The following COL4A4 variants were observed in gnomAD, a reference collection of about 807,000 sequenced individuals.
COL4A4 encodes collagen type IV alpha 4 chain, also known as collagen alpha-4(IV) chain.
COL4A4 carries 105 observed loss-of-function variants against 192.9 expected under a neutral mutation model. That is an observed-to-expected ratio of 0.54 (90% CI 0.46 to 0.64). The LOEUF (loss-of-function observed/expected upper bound fraction) is 0.64. Ranked by LOEUF, COL4A4 falls within the 30% of genes least tolerant of loss-of-function variation. The probability of loss-of-function intolerance (pLI) is 0.00; values close to 1 mark genes in which losing one functional copy is unlikely to be tolerated. For missense variants in COL4A4, 1,967 were observed against 2,169.3 expected (o/e 0.91, Z 1.85); for synonymous variants, 762 against 769.9 (o/e 0.99, Z 0.17).
At chr2:227,145,411 C>T (rs1288552488) in intron 2 of COL4A4, among the ~76,000 whole-genome samples, 1 of 152,204 alleles carries the variant, frequency 6.6e-6, no homozygotes, top group Middle Eastern at 3.2e-3. Context: ...CGTGCCACTG[C>T]GCTCCAGCCT....
At chr2:227,069,253 G>A (rs1004109414) in intron 25 of COL4A4, among the ~76,000 whole-genome samples, 1 of 151,382 alleles carries the variant, frequency 6.6e-6, no homozygotes, top group Non-Finnish European at 1.5e-5. Flanking sequence ...CCATGCTCAT[G>A]GGTAGGAAGA....
chr2:227,009,726 GAAGA>G (rs1559400151), intron 46 of COL4A4, among the ~76,000 whole-genome samples: 3 of 46,000 alleles, frequency 6.5e-5, no homozygotes, highest in African/African-American at 1.9e-4. Context: ...AAAGAGAAGA[GAAGA>G]GAAAAGAGAA....
chr2:227,162,054 C>A (rs1488549168), intron 1 of COL4A4, among the ~76,000 whole-genome samples: 1 of 152,084 alleles, frequency 6.6e-6, no homozygotes, highest in African/African-American at 2.4e-5. Flanking sequence ...GTGAGTATGT[C>A]TATTTTATAG....
At chr2:227,052,198 A>C in intron 32 of COL4A4, 107 bp downstream of exon 32, 1 of 741,268 alleles carries the variant, frequency 1.3e-6, no homozygotes, top group African/African-American at 1.7e-5. Context: ...TCTCAAAAAA[A>C]AAAAAGTCTT....
At chr2:226,988,554 G>C in the COL4A4 span, 1 of 1,414,624 alleles carries the variant, frequency 7.1e-7, no homozygotes, top group Non-Finnish European at 9.2e-7. Flanking sequence ...CCCTCTCTGC[G>C]GACTGGTGTG....
At chr2:226,976,196 G>A in the COL4A4 span, among the ~76,000 whole-genome samples, 1 of 150,128 alleles carries the variant, frequency 6.7e-6, no homozygotes, top group East Asian at 2.0e-4. Flanking sequence ...CAGGGCTTCT[G>A]GGGCAGTCCA....
Position 227,101,865 on chromosome 2 carries a change from CT to C in COL4A4, c.974del (p.Lys325ArgfsTer4). On this transcript the variant is annotated frameshift_variant and splice_region_variant, in exon 16 of 48. Coordinates refer to ENST00000396625, the MANE Select transcript of COL4A4 (RefSeq NM_000092.5). LOFTEE classifies it high-confidence loss of function. ...TATCTCTATAATGAGGTACATTTAC[CT>C]TTAATCCTGGAAAACCTGGAGATCC... is the stretch of plus-strand genomic sequence containing the variant. ...SYGSPGFPGLKGELGLVGDPG... is the reference protein window; with the variant it reads ...SYGSPGFPGLXGELGLVGDPG... 6.3e-7 allele frequency: 1 copy of C among 1,585,474 alleles called. No individual in the cohort carries two copies. Among genetic ancestry groups the C allele is most frequent in the South Asian group, 1.1e-5 (1 of 88,204 alleles).
At position 227,078,181 on chromosome 2, in the gene COL4A4, G is replaced by A; in HGVS notation, c.1804-104C>T. ...ACACACGCAAAAGTCCATAATTTCA[G>A]GAGACAGTTACTCTTAAGCAAATGT... On this transcript the variant is annotated intron_variant, in intron 24 of 47. Coordinates refer to ENST00000396625, the MANE Select transcript of COL4A4 (RefSeq NM_000092.5). 4.5e-6 allele frequency: 5 copies of A among 1,118,768 alleles called. No homozygotes were observed. The Middle Eastern group carries it at 9.7e-4, about 217-fold the overall frequency. The allele number at this position is 1,118,768 out of a possible 1,614,324, so 69.3% of individuals were successfully genotyped here. A position where few individuals can be genotyped will look rare whatever the true frequency, so the allele number is the denominator to read the frequency against.
At chr2:227,053,811 G>A (rs1974699857) in intron 31 of COL4A4, among the ~76,000 whole-genome samples, 1 of 152,004 alleles carries the variant, frequency 6.6e-6, no homozygotes, top group Non-Finnish European at 1.5e-5. Flanking sequence ...CTCCCAAAGT[G>A]CTGGGATTAC....
At chr2:227,076,837 A>G (rs527301441) in intron 25 of COL4A4, among the ~76,000 whole-genome samples, 2 of 152,378 alleles carry the variant, frequency 1.3e-5, no homozygotes, top group Non-Finnish European at 2.9e-5. Context: ...ATATGAACAG[A>G]TATCCTTCTT....
chr2:227,117,117 T>C (rs1017368175), intron 7 of COL4A4, among the ~76,000 whole-genome samples: 1 of 152,254 alleles, frequency 6.6e-6, no homozygotes, highest in African/African-American at 2.4e-5. Flanking sequence ...ATAAGGTTTC[T>C]TTGCGTGGTT....
intron 31 of COL4A4, among the ~76,000 whole-genome samples, chr2:227,053,543 C>CTTTTT (rs56724633): frequency 1.5e-4 from 15 of 102,226 alleles, no homozygotes; most frequent in Admixed American, 3.3e-4. Flanking sequence ...TTTTCTTTTT[C>CTTTTT]TTTTTTTTTT....
intron 25 of COL4A4, among the ~76,000 whole-genome samples, chr2:227,071,196 G>A (rs2058701728): frequency 1.3e-5 from 2 of 152,004 alleles, no homozygotes; most frequent in African/African-American, 4.8e-5. Flanking sequence ...CAAGATAAAG[G>A]GGTAGGAAAA....
chr2:227,113,945 T>C (rs1237944419), intron 8 of COL4A4, among the ~76,000 whole-genome samples: 1 of 152,224 alleles, frequency 6.6e-6, no homozygotes, highest in Admixed American at 6.5e-5. Flanking sequence ...TCATTTCCAC[T>C]GATCCCCATC....
chr2:227,030,744 C>G (rs62189850), intron 40 of COL4A4, 146 bp from the exon 41 acceptor site: 1 of 621,196 alleles, frequency 1.6e-6, no homozygotes, highest in Admixed American at 3.3e-5. Flanking sequence ...TCAATGATAA[C>G]AGAAATGAAA....
intron 7 of COL4A4, among the ~76,000 whole-genome samples, chr2:227,116,613 T>G (rs1268821646): frequency 6.6e-6 from 1 of 152,184 alleles, no homozygotes; most frequent in African/African-American, 2.4e-5. Context: ...GGAAATGAAA[T>G]TCAAATAAAA....
rs78893908 is a variant in COL4A4, at chr2:227,111,013, A to T, written c.594+665T>A. ...TGCTCTCAATTTTAGTCTTGTAAAC[A>T]TCGAAAAACTGGAAAGACTAATATA... is the stretch of plus-strand genomic sequence containing the variant. On this transcript the variant is annotated intron_variant, in intron 9 of 47. Coordinates refer to ENST00000396625, the MANE Select transcript of COL4A4 (RefSeq NM_000092.5). Among the ~76,000 whole-genome samples the T allele has an allele frequency of 6.7e-3, 1,024 of 152,334 alleles. 8 individuals are homozygous for T. The highest frequency in any genetic ancestry group is 0.023 in the African/African-American group (965 of 41,578).
At chr2:227,041,832 G>GAA (rs754288940) in intron 37 of COL4A4, among the ~76,000 whole-genome samples, 6 of 47,350 alleles carry the variant, frequency 1.3e-4, no homozygotes, top group African/African-American at 7.1e-4. Context: ...AAGAAAGAAA[G>GAA]AAAGAAAGAA....
At chr2:226,983,344 G>A in the COL4A4 span, among the ~76,000 whole-genome samples, 2 of 152,126 alleles carry the variant, frequency 1.3e-5, no homozygotes, top group Non-Finnish European at 2.9e-5. Context: ...TGTTTTCTGC[G>A]GGAATGTGGC....
Sources: gnomAD v4.1 joint callset for allele counts (sites outside exome capture counted in the v4.1 genomes callset) on GRCh38, gnomAD v4.1.1 for gene constraint, MANE v1.5 for transcripts, NCBI Gene and HGNC (gene_info 2026-07-23, HGNC 2026-07-21) for gene names.